Variants in ITGA9 observed in about 807,000 individuals in gnomAD.
ITGA9 encodes integrin alpha-9.
A neutral mutation model predicts 127.8 loss-of-function variants in ITGA9; 56 were observed. That is an observed-to-expected ratio of 0.44 (90% confidence interval 0.35 to 0.55). The LOEUF is 0.55. Ranked by LOEUF, ITGA9 falls within the 20% of genes least tolerant of loss-of-function variation. The pLI, the probability that ITGA9 is intolerant of heterozygous loss-of-function variation, is 0.00. For missense variants in ITGA9, 1,196 were observed against 1,347.1 expected (o/e 0.89, Z 1.76); for synonymous variants, 508 against 514.5 (o/e 0.99, Z 0.17).
chr3:37,664,446 C>T (rs1227581523), intron 17 of ITGA9, among the ~76,000 whole-genome samples: 4 of 123,948 alleles, frequency 3.2e-5, no homozygotes, highest in Non-Finnish European at 4.9e-5. Context: ...TTTTTTTAGA[C>T]GGAGTTTCGC....
At chr3:37,511,097 A>G (rs1698900516) in intron 8 of ITGA9, among the ~76,000 whole-genome samples, 2 of 152,174 alleles carry the variant, frequency 1.3e-5, no homozygotes, top group Admixed American at 1.3e-4. Context: ...TCAGCAAACC[A>G]CCGGTTCACT....
intron 26 of ITGA9, among the ~76,000 whole-genome samples, chr3:37,786,619 A>C (rs71614158): frequency 0.19 from 28,891 of 151,820 alleles, 3,029 homozygotes; most frequent in Middle Eastern, 0.28. Flanking sequence ...AACAAACAAA[A>C]AAAAAAAAAC....
intron 15 of ITGA9, among the ~76,000 whole-genome samples, chr3:37,595,107 GT>G (rs201603327): frequency 1.3e-5 from 2 of 150,330 alleles, no homozygotes; most frequent in Admixed American, 6.6e-5. Flanking sequence ...TTTTGTTTTT[GT>G]TTTTTTTTGA....
intron 17 of ITGA9, among the ~76,000 whole-genome samples, chr3:37,668,544 A>G (rs555940378): frequency 1.1e-3 from 160 of 152,234 alleles, no homozygotes; most frequent in African/African-American, 3.4e-3. Flanking sequence ...TTTCCTTGCT[A>G]AGATTTTTGC....
intron 15 of ITGA9, among the ~76,000 whole-genome samples, chr3:37,580,896 C>T (rs1559541549): frequency 6.6e-6 from 1 of 152,172 alleles, no homozygotes; most frequent in Non-Finnish European, 1.5e-5. Context: ...CCATTACTGG[C>T]TCTGTGACTC....
chr3:37,700,489 C>T (rs1700934788), intron 18 of ITGA9, among the ~76,000 whole-genome samples: 1 of 152,136 alleles, frequency 6.6e-6, no homozygotes, highest in African/African-American at 2.4e-5. Context: ...GTTGGGAATA[C>T]AGGCATGCAC....
At position 37,464,537 on chromosome 3, in the gene ITGA9, C is replaced by T. The variant is rs932333529; in HGVS notation, c.186-6470C>T. Among the ~76,000 whole-genome samples, 3 of 152,140 alleles carry T rather than the reference C, an allele frequency of 2.0e-5. No individual in the cohort carries two copies. In the East Asian group the frequency reaches 5.8e-4, roughly 29 times the overall value. ...CTTCTTAGGTACACTTTTATTCCTC[C>T]TGTTTTACAGAAGAGGAAAACTGAG... On this transcript the variant is annotated intron_variant, in intron 1 of 27. Transcript: ENST00000264741.
chr3:37,525,211 G>A (rs1407624789), intron 12 of ITGA9, among the ~76,000 whole-genome samples: 1 of 152,078 alleles, frequency 6.6e-6, no homozygotes, highest in Non-Finnish European at 1.5e-5. Flanking sequence ...AAGTTATTTA[G>A]GAATAAACAT....
chr3:37,803,453 C>T (rs1403326441), intron 26 of ITGA9, among the ~76,000 whole-genome samples: 3 of 152,140 alleles, frequency 2.0e-5, no homozygotes, highest in Non-Finnish European at 4.4e-5. Context: ...AATGTCAAGC[C>T]CAGGCTGGGC....
In ITGA9 at chr3:37,497,465, C is replaced by T. The variant is rs114949374; in HGVS notation, c.612+2897C>T. On this transcript the variant is annotated intron_variant, in intron 5 of 27. Transcript: ENST00000264741. ...ACACATGTCTGGGCTGAACAAACTC[C>T]CATATTTTATACTTATATTTTCAAT... 2.4e-3 allele frequency among the ~76,000 whole-genome samples: 360 copies of T among 152,178 alleles called. 3 individuals are homozygous for T. The highest frequency in any genetic ancestry group is 8.1e-3 in the African/African-American group (336 of 41,518).
At chr3:37,483,612 A>G (rs934935304) in intron 4 of ITGA9, among the ~76,000 whole-genome samples, 8 of 152,176 alleles carry the variant, frequency 5.3e-5, no homozygotes, top group Non-Finnish European at 1.0e-4. Context: ...GCACACATCT[A>G]GAGTCCTCCT....
intron 15 of ITGA9, among the ~76,000 whole-genome samples, chr3:37,560,714 A>T (rs1029745300): frequency 2.0e-5 from 3 of 151,512 alleles, no homozygotes; most frequent in Admixed American, 6.6e-5. Context: ...GATGATGAGC[A>T]TTTTTTTTTC....
rs935925902 is a variant in ITGA9 at position 37,616,578 on chromosome 3, C to T, written c.1690-12609C>T. 1.3e-4 allele frequency among the ~76,000 whole-genome samples: 20 copies of T among 152,068 alleles called. No homozygotes were observed. In the South Asian group the frequency reaches 2.1e-3, roughly 16 times the overall value. On this transcript the variant is annotated intron_variant, in intron 15 of 27. Coordinates refer to ENST00000264741, the MANE Select transcript of ITGA9 (RefSeq NM_002207.3). ...TTGACAGTGGGGTGTTAAAGTCTCC[C>T]ATTATATTGTGTGGGAGTCTGAGTC...
chr3:37,650,721 A>G (rs917659985), intron 16 of ITGA9, among the ~76,000 whole-genome samples: 1 of 152,100 alleles, frequency 6.6e-6, no homozygotes, highest in Non-Finnish European at 1.5e-5. Context: ...GTGAGCCACC[A>G]TGCCTGGCCC....
At chr3:37,752,267 G>A (rs540162651) in intron 23 of ITGA9, among the ~76,000 whole-genome samples, 2 of 152,312 alleles carry the variant, frequency 1.3e-5, no homozygotes, top group South Asian at 4.1e-4. Context: ...ATGGAGCAGG[G>A]CTTTCATTCT....
chr3:37,799,691 C>T lies in ITGA9; in HGVS notation c.2890-4132C>T, dbSNP rs1230241562. On this transcript the variant is annotated intron_variant, in intron 26 of 27. Transcript: ENST00000264741. The surrounding 1 kb of genome is among the most constrained non-coding windows in gnomAD (Gnocchi z 4.0). ...TGAGACCTGTGCCTTAGAAAAACAACTCTATCAGCAAGGAGGCCTTTCCAA... is the reference window on the plus strand; with the variant it reads ...TGAGACCTGTGCCTTAGAAAAACAATTCTATCAGCAAGGAGGCCTTTCCAA... Among the ~76,000 whole-genome samples, 1 of 152,128 alleles carries T rather than the reference C, an allele frequency of 6.6e-6. No individual in the cohort carries two copies. The highest frequency in any genetic ancestry group is 1.5e-5 in the Non-Finnish European group (1 of 68,020).
At chr3:37,555,536 T>G (rs1403540718) in intron 15 of ITGA9, among the ~76,000 whole-genome samples, 1 of 152,218 alleles carries the variant, frequency 6.6e-6, no homozygotes, top group African/African-American at 2.4e-5. Flanking sequence ...GTTTGATTTT[T>G]AAGAAGGAGA....
chr3:37,693,050 T>A (rs894476832), intron 18 of ITGA9, among the ~76,000 whole-genome samples: 1 of 152,122 alleles, frequency 6.6e-6, no homozygotes, highest in African/African-American at 2.4e-5. Flanking sequence ...AGAGGGGTGA[T>A]TGTGAACTCA....
chr3:37,478,703 G>T (rs934163010), intron 3 of ITGA9, among the ~76,000 whole-genome samples: 1 of 152,192 alleles, frequency 6.6e-6, no homozygotes, highest in Non-Finnish European at 1.5e-5. Flanking sequence ...ATTGACATGT[G>T]TGTATATATA....
Sources: allele counts gnomAD v4.1 joint callset (sites outside exome capture counted in the v4.1 genomes callset), GRCh38; gene constraint gnomAD v4.1.1; non-coding constraint Gnocchi (gnomAD v3.1); transcripts MANE v1.5; gene names NCBI Gene and HGNC (gene_info 2026-07-23, HGNC 2026-07-21).